The following GAB1 variants were observed in gnomAD, a reference collection of about 807,000 sequenced individuals.
GAB1 encodes GRB2 associated binding protein 1.
In GAB1, 19 loss-of-function variants were observed where a neutral mutation model predicts 66.5. The observed-to-expected ratio is 0.29, with a 90% confidence interval of 0.20 to 0.42. The LOEUF (loss-of-function observed/expected upper bound fraction) is 0.42. GAB1 is among the 10% of genes least tolerant of loss of function. The pLI, the probability that GAB1 is intolerant of heterozygous loss-of-function variation, is 1.00. For missense variants in GAB1, 732 were observed against 858.5 expected (o/e 0.85, Z 1.84); for synonymous variants, 294 against 301.4 (o/e 0.98, Z 0.25).
intron 5 of GAB1, 82 bp downstream of exon 5, chr4:143,439,969 T>G: frequency 7.2e-7 from 1 of 1,397,334 alleles, no homozygotes; most frequent in Non-Finnish European, 1.0e-6. Flanking sequence ...CTAAGTGATA[T>G]CATGAAATAA....
At chr4:143,380,429 A>G (rs73853828) in intron 1 of GAB1, among the ~76,000 whole-genome samples, 5,720 of 152,298 alleles carry the variant, frequency 0.038, 364 homozygotes, top group African/African-American at 0.13. Flanking sequence ...AGGCAGAACT[A>G]CATCCCAAGC....
At chr4:143,460,967 T>A (rs1234004321) in intron 8 of GAB1, among the ~76,000 whole-genome samples, 5 of 152,200 alleles carry the variant, frequency 3.3e-5, no homozygotes, top group Non-Finnish European at 7.3e-5. Context: ...AATGGTCTTA[T>A]AAGTAAGTAA....
chr4:143,451,612 G>C (rs1734934607), intron 6 of GAB1, among the ~76,000 whole-genome samples: 1 of 152,034 alleles, frequency 6.6e-6, no homozygotes, highest in African/African-American at 2.4e-5. Context: ...ATACAATAGA[G>C]AAAATAATTG....
intron 1 of GAB1, among the ~76,000 whole-genome samples, chr4:143,350,448 C>T (rs10031153): frequency 6.6e-6 from 1 of 151,952 alleles, no homozygotes; most frequent in Non-Finnish European, 1.5e-5. Context: ...GGAGGCGGGG[C>T]GGGCACATCA....
chr4:143,406,736 G>A (rs1056405511), intron 1 of GAB1, among the ~76,000 whole-genome samples: 4 of 152,196 alleles, frequency 2.6e-5, no homozygotes, highest in East Asian at 1.9e-4. Flanking sequence ...GGCACCATCC[G>A]ACTCACATGG....
chr4:143,378,629 G>GTC (rs3049720), intron 1 of GAB1, among the ~76,000 whole-genome samples: 7,209 of 129,076 alleles, frequency 0.056, 223 homozygotes, highest in South Asian at 0.099. Context: ...CTTCCAAAGT[G>GTC]TCTCTCTCTC....
intron 1 of GAB1, among the ~76,000 whole-genome samples, chr4:143,338,100 A>C (rs1560707196): frequency 6.6e-6 from 1 of 152,204 alleles, no homozygotes; most frequent in Non-Finnish European, 1.5e-5. Flanking sequence ...CTATGTGTTA[A>C]ACCGTTTTAG....
At chr4:143,442,250 C>T (rs943429694) in intron 6 of GAB1, among the ~76,000 whole-genome samples, 23 of 152,140 alleles carry the variant, frequency 1.5e-4, no homozygotes, top group Admixed American at 5.2e-4. Flanking sequence ...TTTCCAGTAA[C>T]GAGTGCATGT....
intron 1 of GAB1, among the ~76,000 whole-genome samples, chr4:143,348,474 G>A (rs1729059278): frequency 6.6e-6 from 1 of 152,192 alleles, no homozygotes; most frequent in African/African-American, 2.4e-5. Context: ...TCCACACCCA[G>A]TGACCAAACC....
rs370035732 is a variant in GAB1, at chr4:143,352,365, T to C, written c.72+15105T>C. On this transcript the variant is annotated intron_variant, in intron 1 of 9. Transcript: ENST00000262994. ...TGCTGATGTCTCATATTCAGCCCAC[T>C]CTCCAAGCTTTCTTTCCTCTTCCAT... Among the ~76,000 whole-genome samples the C allele has an allele frequency of 2.6e-5, 4 of 152,226 alleles. No individual in the cohort carries two copies. The South Asian group carries it at 8.3e-4, about 31-fold the overall frequency.
chr4:143,341,008 G>A (rs1581206988), intron 1 of GAB1, among the ~76,000 whole-genome samples: 1 of 152,340 alleles, frequency 6.6e-6, no homozygotes, highest in East Asian at 1.9e-4. Context: ...AGAGTAGTCA[G>A]CAGATTCCCC....
At chr4:143,426,029 A>G (rs1733334706) in intron 2 of GAB1, 1 of 603,018 alleles carries the variant, frequency 1.7e-6, no homozygotes, top group Non-Finnish European at 2.9e-6. Context: ...AATTAACTCC[A>G]GGTATAAGGT....
chr4:143,367,719 GTT>G lies in GAB1; in HGVS notation c.72+30480_72+30481del, dbSNP rs71588248. Among the ~76,000 whole-genome samples the G allele has an allele frequency of 3.0e-3, 283 of 94,650 alleles. No individual in the cohort carries two copies. The Middle Eastern group carries it at 0.042, about 14-fold the overall frequency. 62.1% of individuals were successfully genotyped at this position (94,650 alleles called of 152,430 possible). Reference sequence around the variant, plus strand: ...AGATAGAAGTGCAAATCAGATGAGGGTTTTTTTTTTTTTTTTTTTTTTGGAGA... The same window carrying G: ...AGATAGAAGTGCAAATCAGATGAGGGTTTTTTTTTTTTTTTTTTTTGGAGA... On this transcript the variant is annotated intron_variant, in intron 1 of 9. Coordinates refer to ENST00000262994, the MANE Select transcript of GAB1 (RefSeq NM_002039.4).
At chr4:143,399,586 G>T (rs1731644504) in intron 1 of GAB1, among the ~76,000 whole-genome samples, 1 of 152,146 alleles carries the variant, frequency 6.6e-6, no homozygotes. Context: ...GAGAAGAAAA[G>T]AAACCCATAT....
chr4:143,440,276 T>C lies in GAB1; in HGVS notation c.1479T>C (p.Ala493=). 1 of 1,614,108 alleles carries C rather than the reference T, an allele frequency of 6.2e-7. No homozygotes were observed. Among genetic ancestry groups the C allele is most frequent in the Non-Finnish European group, 8.5e-7 (1 of 1,180,018 alleles). The change falls in exon 6 of 10, where the codon GCT becomes GCC. Residue 493 remains alanine, a synonymous_variant. Coordinates refer to ENST00000262994, the MANE Select transcript of GAB1 (RefSeq NM_002039.4). ...TTGGAATGCAAGTTCCTCCTCCTGC[T>C]CATATGGGCTTCAGGTCCAGCCCAA... ...SSFGMQVPPP[A]HMGFRSSPKT...
intron 1 of GAB1, among the ~76,000 whole-genome samples, chr4:143,412,796 C>T (rs1732465991): frequency 6.6e-6 from 1 of 151,894 alleles, no homozygotes; most frequent in African/African-American, 2.4e-5. Context: ...AAGAGTTTAG[C>T]CTCCTATAAA....
At chr4:143,458,963 A>G (rs1195139375) in intron 6 of GAB1, among the ~76,000 whole-genome samples, 1 of 152,068 alleles carries the variant, frequency 6.6e-6, no homozygotes, top group African/African-American at 2.4e-5. Flanking sequence ...ATATACTCCA[A>G]TATTGAAGAA....
intron 1 of GAB1, among the ~76,000 whole-genome samples, chr4:143,364,835 G>A (rs1729808530): frequency 1.3e-5 from 2 of 151,514 alleles, no homozygotes; most frequent in African/African-American, 2.4e-5. Flanking sequence ...GTAGAAGCAG[G>A]GGAGACAAAA....
At chr4:143,342,482 A>C (rs1482687949) in intron 1 of GAB1, among the ~76,000 whole-genome samples, 2 of 152,070 alleles carry the variant, frequency 1.3e-5, no homozygotes, top group African/African-American at 4.8e-5. Context: ...ACTTAACATA[A>C]AAATATGTAG....
Sources: allele counts gnomAD v4.1 joint callset (sites outside exome capture counted in the v4.1 genomes callset), GRCh38; gene constraint gnomAD v4.1.1; transcripts MANE v1.5; gene names NCBI Gene and HGNC (gene_info 2026-07-23, HGNC 2026-07-21).